The following OR1M1 variants were observed in gnomAD, a reference collection of about 807,000 sequenced individuals.
The protein encoded by OR1M1 is olfactory receptor family 1 subfamily M member 1.
For missense variants in OR1M1, 397 were observed against 401.8 expected, an observed-to-expected ratio of 0.99 and a Z score of 0.10; for synonymous variants, 157 against 165.5, an observed-to-expected ratio of 0.95 and a Z score of 0.39.
In OR1M1 at chr19:9,093,866, G is replaced by A. The variant is rs2050311224; in HGVS notation, c.622G>A (p.Ala208Thr). 1.9e-6 allele frequency: 3 copies of A among 1,614,098 alleles called. No homozygotes were observed. Among genetic ancestry groups the A allele is most frequent in the Non-Finnish European group, 2.5e-6 (3 of 1,180,050 alleles). Residue 208 changes from alanine to threonine, a missense_variant, in exon 2 of 2, where the codon GCC (alanine) becomes ACC (threonine). Ala to Thr is a moderately conservative substitution (Grantham distance 58). Transcript: ENST00000641627. ...FILIVAGMVIATPFVCILASY... is the reference protein window; with the variant it reads ...FILIVAGMVITTPFVCILASY... ...CCTCATTGTGGCAGGGATGGTGATA[G>A]CCACGCCCTTTGTCTGCATCCTGGC... is the stretch of plus-strand genomic sequence containing the variant.
In OR1M1 at chr19:9,094,705, A is replaced by G. The variant is rs1397352557; in HGVS notation, c.*519A>G. The G allele has an allele frequency of 1.3e-5, 2 of 152,830 alleles. No individual in the cohort carries two copies. The highest frequency in any genetic ancestry group is 2.9e-5 in the Non-Finnish European group (2 of 68,690). 9.5% of individuals were successfully genotyped at this position (152,830 alleles called of 1,614,324 possible). ...TAGGCACATACCACCATGCTCAGCT[A>G]ATTTTTGTATCTTTTGTACAGACAG... is the stretch of plus-strand genomic sequence containing the variant. On this transcript the variant is annotated 3_prime_UTR_variant, in exon 2 of 2. Transcript: ENST00000641627.
intron 1 of OR1M1, among the ~76,000 whole-genome samples, chr19:9,090,626 T>G (rs374026792): frequency 0.012 from 1,822 of 151,478 alleles, 39 homozygotes; most frequent in African/African-American, 0.041. Context: ...TAGAGACGGG[T>G]TTTCTCCATG....
chr19:9,093,878 G>T lies in OR1M1; in HGVS notation c.634G>T (p.Val212Phe). 6.2e-7 allele frequency: 1 copy of T among 1,614,086 alleles called. No homozygotes were observed. Among genetic ancestry groups the T allele is most frequent in the South Asian group, 1.1e-5 (1 of 91,084 alleles). Residue 212 changes from valine to phenylalanine, a missense_variant, in exon 2 of 2, where the codon GTC becomes TTC. Val to Phe is a conservative substitution (Grantham distance 50). Coordinates refer to ENST00000641627, the MANE Select transcript of OR1M1 (RefSeq NM_001004456.2). ...AGGGATGGTGATAGCCACGCCCTTT[G>T]TCTGCATCCTGGCCTCCTATGCTCG... Reference protein sequence around the residue: ...VAGMVIATPFVCILASYARIL... With the variant: ...VAGMVIATPFFCILASYARIL...
At chr19:9,089,912 A>G (rs1278242777) in intron 1 of OR1M1, among the ~76,000 whole-genome samples, 1 of 152,170 alleles carries the variant, frequency 6.6e-6, no homozygotes, top group Non-Finnish European at 1.5e-5. Context: ...TGCGTGCTTC[A>G]TGAATTACAG....
chr19:9,088,131 T>G (rs906402457), intron 1 of OR1M1, among the ~76,000 whole-genome samples: 4 of 150,876 alleles, frequency 2.7e-5, no homozygotes. Flanking sequence ...CCTCAGGTGA[T>G]CCACCCGCCT....
chr19:9,094,135 G>A lies in OR1M1; in HGVS notation c.891G>A (p.Leu297=), dbSNP rs2050313946. The part of the protein sequence containing the change: ...PFIYSLRNRD[L]KGALRKLVNR... The stretch of plus-strand genomic sequence containing the variant: ...TCTACAGCTTGAGGAACAGAGACCT[G>A]AAAGGGGCTCTCAGGAAGCTGGTCA... The change falls in exon 2 of 2, where the codon CTG becomes CTA. Residue 297 remains leucine (L), a synonymous_variant. Coordinates refer to ENST00000641627, the MANE Select transcript of OR1M1 (RefSeq NM_001004456.2). 1 of 1,613,120 alleles carries A rather than the reference G, an allele frequency of 6.2e-7. No individual in the cohort carries two copies. Among genetic ancestry groups the A allele is most frequent in the African/African-American group, 1.3e-5 (1 of 74,990 alleles).
At position 9,093,877 on chromosome 19, in the gene OR1M1, T is replaced by C. The variant is rs1428622589; in HGVS notation, c.633T>C (p.Phe211=). 6.2e-7 allele frequency: 1 copy of C among 1,614,032 alleles called. No individual in the cohort carries two copies. Among genetic ancestry groups the C allele is most frequent in the African/African-American group, 1.3e-5 (1 of 74,924 alleles). The change falls in exon 2 of 2, where the codon TTT becomes TTC. Residue 211 remains phenylalanine, a synonymous_variant. Transcript: ENST00000641627. ...IVAGMVIATP[F]VCILASYARI... Reference sequence around the variant, plus strand: ...CAGGGATGGTGATAGCCACGCCCTTTGTCTGCATCCTGGCCTCCTATGCTC... The same window carrying C: ...CAGGGATGGTGATAGCCACGCCCTTCGTCTGCATCCTGGCCTCCTATGCTC...
Position 9,093,537 on chromosome 19 carries a change from T to C in OR1M1, c.293T>C (p.Leu98Pro). ...AAGGCCATCTCTTATCCCTGCTGCC[T>C]GATCCAGATGTACTTCTTCCATTTC... is the stretch of plus-strand genomic sequence containing the variant. ...GSKAISYPCC[L>P]IQMYFFHFFG... The change falls in exon 2 of 2, where the codon CTG becomes CCG. Residue 98 changes from leucine to proline, a missense_variant. Coordinates refer to ENST00000641627, the MANE Select transcript of OR1M1 (RefSeq NM_001004456.2). 1.9e-6 allele frequency: 3 copies of C among 1,614,194 alleles called. No homozygotes were observed. Among genetic ancestry groups the C allele is most frequent in the Non-Finnish European group, 2.5e-6 (3 of 1,180,038 alleles).
chr19:9,094,200 G>A lies in OR1M1; in HGVS notation c.*14G>A. The A allele has an allele frequency of 6.5e-7, 1 of 1,538,026 alleles. No homozygotes were observed. The highest frequency in any genetic ancestry group is 8.9e-7 in the Non-Finnish European group (1 of 1,124,582). On this transcript the variant is annotated 3_prime_UTR_variant, in exon 2 of 2. Coordinates refer to ENST00000641627, the MANE Select transcript of OR1M1 (RefSeq NM_001004456.2). ...TCATCTTCCTGACCACCAGGACTCAGGAACTTCTGGGGGGTAGAATATATA... is the reference window on the plus strand; with the variant it reads ...TCATCTTCCTGACCACCAGGACTCAAGAACTTCTGGGGGGTAGAATATATA...
chr19:9,092,381 C>T (rs2050298022), intron 1 of OR1M1, among the ~76,000 whole-genome samples: 1 of 151,946 alleles, frequency 6.6e-6, no homozygotes, highest in East Asian at 1.9e-4. Flanking sequence ...ATCACTCAAG[C>T]TCAGGAATTC....
At chr19:9,088,367 A>T (rs1485103754) in intron 1 of OR1M1, among the ~76,000 whole-genome samples, 1 of 152,100 alleles carries the variant, frequency 6.6e-6, no homozygotes, top group African/African-American at 2.4e-5. Flanking sequence ...TCCAGATAGG[A>T]TAGGACTGGT....
At position 9,092,758 on chromosome 19, in the gene OR1M1, G is replaced by A. The variant is rs151325784; in HGVS notation, c.-13-474G>A. ...CTACTAAAAGTACAAAAAATTAGCC[G>A]GACGTGGTGGTGGGCACCTGTAGTC... is the stretch of plus-strand genomic sequence containing the variant. On this transcript the variant is annotated intron_variant, in intron 1 of 1. Coordinates refer to ENST00000641627, the MANE Select transcript of OR1M1 (RefSeq NM_001004456.2). Among the ~76,000 whole-genome samples, 585 of 151,670 alleles carry A rather than the reference G, an allele frequency of 3.9e-3. 5 individuals carry two copies. The highest frequency in any genetic ancestry group is 0.013 in the African/African-American group (518 of 41,350).
intron 1 of OR1M1, among the ~76,000 whole-genome samples, chr19:9,088,435 T>C (rs2050275841): frequency 6.6e-6 from 1 of 152,098 alleles, no homozygotes; most frequent in Non-Finnish European, 1.5e-5. Context: ...GGGTTCCTGA[T>C]ACTTAAATTT....
rs2050311900 is a variant in OR1M1, at chr19:9,093,925, G to A, written c.681G>A (p.Lys227=). The A allele has an allele frequency of 1.9e-6, 3 of 1,614,144 alleles. No individual in the cohort carries two copies. Among genetic ancestry groups the A allele is most frequent in the Non-Finnish European group, 2.5e-6 (3 of 1,180,044 alleles). The change falls in exon 2 of 2, where the codon AAG becomes AAA. Residue 227 remains lysine (K), a synonymous_variant. Coordinates refer to ENST00000641627, the MANE Select transcript of OR1M1 (RefSeq NM_001004456.2). ...SYARILVAIM[K]VPSAGGRKKA... is the part of the protein sequence containing the mutation. ...CTCGCATCCTTGTGGCCATCATGAA[G>A]GTCCCCTCTGCAGGCGGCAGGAAGA...
intron 1 of OR1M1, among the ~76,000 whole-genome samples, chr19:9,089,807 T>G (rs1032594685): frequency 3.3e-5 from 5 of 152,122 alleles, no homozygotes. Flanking sequence ...GTGCTGTGTG[T>G]GGGGTGTGAT....
In OR1M1 at chr19:9,094,218, AATAT is replaced by A. The variant is rs1415579898; in HGVS notation, c.*36_*39del. The A allele has an allele frequency of 7.3e-7, 1 of 1,365,272 alleles. No individual in the cohort carries two copies. Among genetic ancestry groups the A allele is most frequent in the East Asian group, 2.3e-5 (1 of 43,358 alleles). 84.6% of individuals were successfully genotyped at this position (1,365,272 alleles called of 1,614,324 possible). A position where few individuals can be genotyped will look rare whatever the true frequency, so the allele number is the denominator to read the frequency against. ...GGACTCAGGAACTTCTGGGGGGTAG[AATAT>A]ATACATCTGGGAGTCTTGGGCTAAC... On this transcript the variant is annotated 3_prime_UTR_variant, in exon 2 of 2. Transcript: ENST00000641627.
At chr19:9,091,264 G>A (rs1001605612) in intron 1 of OR1M1, among the ~76,000 whole-genome samples, 1 of 151,894 alleles carries the variant, frequency 6.6e-6, no homozygotes, top group African/African-American at 2.4e-5. Flanking sequence ...AAGTGTGGGC[G>A]GATCACCTGA....
At chr19:9,088,116 C>T (rs1007403179) in intron 1 of OR1M1, among the ~76,000 whole-genome samples, 21 of 152,052 alleles carry the variant, frequency 1.4e-4, no homozygotes, top group Admixed American at 3.3e-4. Flanking sequence ...GTCTCCAACT[C>T]TTGACCTCAG....
In OR1M1 at chr19:9,094,037, G is replaced by T. The variant is rs957990501; in HGVS notation, c.793G>T (p.Val265Phe). ...TIGVYLCPSS[V>F]LTTVKEKASA... ...TGGCGTCTATCTGTGTCCCTCCTCG[G>T]TCCTCACCACTGTGAAGGAGAAAGC... Residue 265 changes from valine (V) to phenylalanine (F), a missense_variant, in exon 2 of 2, where the codon GTC (valine) becomes TTC (phenylalanine). Physicochemically the swap from Val to Phe is conservative, Grantham distance 50. Coordinates refer to ENST00000641627, the MANE Select transcript of OR1M1 (RefSeq NM_001004456.2). 2 of 1,613,840 alleles carry T rather than the reference G, an allele frequency of 1.2e-6. No individual in the cohort carries two copies. The highest frequency in any genetic ancestry group is 1.7e-6 in the Non-Finnish European group (2 of 1,180,026).
Sources: gnomAD v4.1 joint callset for allele counts (sites outside exome capture counted in the v4.1 genomes callset) on GRCh38, gnomAD v4.1.1 for gene constraint, MANE v1.5 for transcripts, NCBI Gene and HGNC (gene_info 2026-07-23, HGNC 2026-07-21) for gene names.